RNPS1: variants seen among roughly 807,000 people sequenced by gnomAD.
RNPS1 encodes the protein RNA binding protein with serine rich domain 1.
For synonymous variants in RNPS1, 147 were observed against 150.0 expected (o/e 0.98, Z 0.15); for missense variants, 300 against 427.6 (o/e 0.70, Z 2.63).
chr16:2,253,808 G>A lies in RNPS1; in HGVS notation c.*156C>T, dbSNP rs1567318653. 1 of 737,622 alleles carries A rather than the reference G, an allele frequency of 1.4e-6. No homozygotes were observed. The highest frequency in any genetic ancestry group is 1.5e-5 in the South Asian group (1 of 67,322). 45.7% of individuals were successfully genotyped at this position (737,622 alleles called of 1,614,324 possible). A position where few individuals can be genotyped will look rare whatever the true frequency, so the allele number is the denominator to read the frequency against. ...CATCCAAACCAACAGCACTTCTGCA[G>A]CCGGGGCCCGGCTGGCAGAGGGGTG... On this transcript the variant is annotated 3_prime_UTR_variant, in exon 8 of 8. Coordinates refer to ENST00000320225, the MANE Select transcript of RNPS1 (RefSeq NM_080594.4).
intron 2 of RNPS1, 95 bp downstream of exon 2, chr16:2,264,478 G>A: frequency 2.0e-6 from 3 of 1,518,824 alleles, no homozygotes; most frequent in South Asian, 1.1e-5. Context: ...AACACTCACT[G>A]TAGAATGCAG....
chr16:2,264,042 T>C, intron 3 of RNPS1, 134 bp downstream of exon 3: 1 of 1,109,210 alleles, frequency 9.0e-7, no homozygotes, highest in Non-Finnish European at 1.3e-6. Context: ...CAGTCTGCCA[T>C]AAATTAGGGT....
chr16:2,264,962 T>G (rs1249201674), intron 1 of RNPS1: 1 of 274,970 alleles, frequency 3.6e-6, no homozygotes, highest in Non-Finnish European at 6.8e-6. Context: ...CAGGTACAAC[T>G]GTCGCCCCAG....
chr16:2,257,104 T>G (rs946052397), intron 6 of RNPS1: 2 of 152,106 alleles, frequency 1.3e-5, no homozygotes, highest in Non-Finnish European at 2.9e-5. Context: ...GCCATGTGCA[T>G]GAAGCGAGGA....
At chr16:2,263,999 G>C in intron 3 of RNPS1, 177 bp downstream of exon 3, 1 of 726,940 alleles carries the variant, frequency 1.4e-6, no homozygotes, top group Non-Finnish European at 2.2e-6. Flanking sequence ...CAAAGTGCTG[G>C]GATTATAGGC....
In RNPS1 at chr16:2,253,931, T is replaced by G; in HGVS notation, c.*33A>C. 6.5e-7 allele frequency: 1 copy of G among 1,532,446 alleles called. No individual in the cohort carries two copies. Among genetic ancestry groups the G allele is most frequent in the Admixed American group, 2.0e-5 (1 of 51,002 alleles). The allele number at this position is 1,532,446 out of a possible 1,614,324, so 94.9% of individuals were successfully genotyped here. On this transcript the variant is annotated 3_prime_UTR_variant, in exon 8 of 8. Coordinates refer to ENST00000320225, the MANE Select transcript of RNPS1 (RefSeq NM_080594.4). Reference sequence around the variant, plus strand: ...TGACAAAACTGAGCTGGGTGGGGTATAAGTTACAGGGGCGAGAGCTTCAGT... The same window carrying G: ...TGACAAAACTGAGCTGGGTGGGGTAGAAGTTACAGGGGCGAGAGCTTCAGT...
At position 2,264,764 on chromosome 16, in the gene RNPS1, A is replaced by AT; in HGVS notation, c.-117-5dup. The stretch of plus-strand genomic sequence containing the variant: ...GCAATTTACGCCAAAGAGCAGCCTA[A>AT]TAACAAGATAAAAGGGTTTAAAGAG... On this transcript the variant is annotated splice_polypyrimidine_tract_variant and splice_region_variant and intron_variant, in intron 1 of 7. Transcript: ENST00000320225. 6.5e-7 allele frequency: 1 copy of AT among 1,527,394 alleles called. No individual in the cohort carries two copies. The highest frequency in any genetic ancestry group is 1.2e-5 in the South Asian group (1 of 81,256). 94.6% of individuals were successfully genotyped at this position (1,527,394 alleles called of 1,614,324 possible).
chr16:2,262,069 T>A (rs2093605223), intron 6 of RNPS1: 1 of 485,366 alleles, frequency 2.1e-6, no homozygotes, highest in Admixed American at 3.7e-5. Context: ...CTCCACCTAC[T>A]CAGTTAATGT....
rs186216908 is a variant in RNPS1 at position 2,266,621 on chromosome 16, C to A, written c.-118+1434G>T. On this transcript the variant is annotated intron_variant, in intron 1 of 7. Coordinates refer to ENST00000320225, the MANE Select transcript of RNPS1 (RefSeq NM_080594.4). ...CCACGTCCGGAGGCTCCTTCCCCCA[C>A]AGACACTTGTCTCCAAAGTTACACT... 10 of 985,414 alleles carry A rather than the reference C, an allele frequency of 1.0e-5. No individual in the cohort carries two copies. In the Admixed American group the frequency reaches 3.7e-4, roughly 36 times the overall value. The allele number at this position is 985,414 out of a possible 1,614,324, so 61.0% of individuals were successfully genotyped here.
intron 6 of RNPS1, chr16:2,256,838 C>G (rs543930171): frequency 9.2e-5 from 14 of 152,276 alleles, no homozygotes; most frequent in Admixed American, 8.5e-4. Context: ...CTCTGCAGCA[C>G]TGAGAGGGGC....
intron 6 of RNPS1, chr16:2,256,186 C>A (rs1445275769): frequency 1.1e-5 from 2 of 185,846 alleles, no homozygotes; most frequent in Non-Finnish European, 2.3e-5. Flanking sequence ...GGAAAAGAGG[C>A]ATAAAAACTA....
chr16:2,266,710 G>A (rs1054212127), intron 1 of RNPS1: 4 of 985,252 alleles, frequency 4.1e-6, no homozygotes, highest in Admixed American at 1.2e-4. Flanking sequence ...CAGCAGCACT[G>A]TCCAATAGAA....
intron 2 of RNPS1, 32 bp from the exon 3 acceptor site, chr16:2,264,363 G>C: frequency 1.2e-6 from 2 of 1,613,932 alleles, no homozygotes; most frequent in Non-Finnish European, 1.7e-6. Flanking sequence ...GAGATTGCGT[G>C]CTCCTCTGAC....
rs748703751 is a variant in RNPS1, at chr16:2,254,007, C to T, written c.875G>A (p.Arg292His). ...GCTGGAGCGGCTCCTGTGGCGGCGG[C>T]GGCCCGGGGACCGTGATCTCCGGCG... ...PVRRRSRSPG[R>H]RRHRSRSSSN... Residue 292 changes from arginine (R) to histidine (H), a missense_variant, in exon 8 of 8, where the codon CGC becomes CAC. Coordinates refer to ENST00000320225, the MANE Select transcript of RNPS1 (RefSeq NM_080594.4). The T allele has an allele frequency of 3.5e-5, 54 of 1,531,454 alleles. 2 individuals carry two copies. In the South Asian group the frequency reaches 3.9e-4, roughly 11 times the overall value. 94.9% of individuals were successfully genotyped at this position (1,531,454 alleles called of 1,614,324 possible).
At position 2,264,459 on chromosome 16, in the gene RNPS1, G is replaced by A; in HGVS notation, c.71+114C>T. The stretch of plus-strand genomic sequence containing the variant: ...AGGTGACCACAGAGCAAAGTGGTCT[G>A]TGGCTCAGAACACTCACTGTAGAAT... On this transcript the variant is annotated intron_variant, in intron 2 of 7. Transcript: ENST00000320225. 5 of 1,534,114 alleles carry A rather than the reference G, an allele frequency of 3.3e-6. No homozygotes were observed. In the East Asian group the frequency reaches 1.1e-4, roughly 35 times the overall value.
Position 2,268,043 on chromosome 16 carries a change from G to T in RNPS1, c.-118+12C>A. 1 of 1,534,340 alleles carries T rather than the reference G, an allele frequency of 6.5e-7. No homozygotes were observed. Among genetic ancestry groups the T allele is most frequent in the Non-Finnish European group, 8.7e-7 (1 of 1,146,654 alleles). Reference sequence around the variant, plus strand: ...CGAAACACGGATGCAGTCGGATTCCGCCCCAACTTACATCTTCCCGCCGCC... The same window carrying T: ...CGAAACACGGATGCAGTCGGATTCCTCCCCAACTTACATCTTCCCGCCGCC... On this transcript the variant is annotated intron_variant, in intron 1 of 7. Transcript: ENST00000320225.
chr16:2,258,018 A>C (rs1263470389), intron 6 of RNPS1: 2 of 152,230 alleles, frequency 1.3e-5, no homozygotes, highest in Admixed American at 6.5e-5. Flanking sequence ...CTGAGGACAA[A>C]ATGCCACCCG....
rs540123119 is a variant in RNPS1 at position 2,253,419 on chromosome 16, C to T, written c.*545G>A. ...CAGTGGTGGGGTGCGGTGTGTGCAT[C>T]GGTGCACGGACAGACAGAACCACGA... is the stretch of plus-strand genomic sequence containing the variant. On this transcript the variant is annotated 3_prime_UTR_variant, in exon 8 of 8. Coordinates refer to ENST00000320225, the MANE Select transcript of RNPS1 (RefSeq NM_080594.4). 9 of 180,422 alleles carry T rather than the reference C, an allele frequency of 5.0e-5. No homozygotes were observed. The highest frequency in any genetic ancestry group is 7.2e-5 in the African/African-American group (3 of 41,648). 11.2% of individuals were successfully genotyped at this position (180,422 alleles called of 1,614,324 possible). A position where few individuals can be genotyped will look rare whatever the true frequency, so the allele number is the denominator to read the frequency against.
rs148173532 is a variant in RNPS1 at position 2,255,262 on chromosome 16, T to C, written c.818+323A>G. 4.6e-5 allele frequency among the ~76,000 whole-genome samples: 7 copies of C among 152,174 alleles called. No individual in the cohort carries two copies. In the East Asian group the frequency reaches 1.4e-3, roughly 29 times the overall value. On this transcript the variant is annotated intron_variant, in intron 7 of 7. Transcript: ENST00000320225. ...CACAACTCTTCTGACCCCCAACTTC[T>C]CCCTCTCCTAGCTCTTCTTGTTAGC...
Sources: gnomAD v4.1 joint callset for allele counts (sites outside exome capture counted in the v4.1 genomes callset) on GRCh38, gnomAD v4.1.1 for gene constraint, MANE v1.5 for transcripts, NCBI Gene and HGNC (gene_info 2026-07-23, HGNC 2026-07-21) for gene names.